HDAC9: variants seen among roughly 807,000 people sequenced by gnomAD.
The protein encoded by HDAC9 is MEF-2 interacting transcription repressor (MITR) protein.
In HDAC9, 41 loss-of-function variants were observed where a neutral mutation model predicts 139.4. That is an observed-to-expected ratio of 0.29 (90% CI 0.23 to 0.38). HDAC9 has a LOEUF of 0.38. Ranked by LOEUF, HDAC9 falls within the 10% of genes least tolerant of loss-of-function variation. The pLI, the probability that HDAC9 is intolerant of heterozygous loss-of-function variation, is 1.00. For missense variants in HDAC9, 1,147 were observed against 1,297.0 expected (o/e 0.88, Z 1.78); for synonymous variants, 517 against 476.2 (o/e 1.09, Z -1.12).
chr7:18,338,143 A>G (rs749562897), intron 1 of HDAC9, among the ~76,000 whole-genome samples: 6 of 151,736 alleles, frequency 4.0e-5, no homozygotes, highest in Non-Finnish European at 7.4e-5. Flanking sequence ...AAGATAATTC[A>G]CATTTCAGAA....
intron 1 of HDAC9, among the ~76,000 whole-genome samples, chr7:18,352,697 C>T (rs2389941): frequency 0.11 from 16,040 of 151,808 alleles, 941 homozygotes; most frequent in South Asian, 0.18. Context: ...GGGAAAATGA[C>T]GGGAAATAGG....
At chr7:18,302,047 C>T (rs1033389944) in intron 1 of HDAC9, among the ~76,000 whole-genome samples, 33 of 152,262 alleles carry the variant, frequency 2.2e-4, no homozygotes, top group African/African-American at 7.7e-4. Context: ...ATTTAAAATA[C>T]TCAGGTGTTA....
intron 6 of HDAC9, among the ~76,000 whole-genome samples, chr7:18,609,273 C>T (rs1836425719): frequency 5.3e-5 from 8 of 152,126 alleles, no homozygotes; most frequent in Admixed American, 5.2e-4. Flanking sequence ...TGAAATTGAA[C>T]ACTTGAAATG....
At chr7:18,209,829 T>C (rs1791803988) in intron 2 of HDAC9, among the ~76,000 whole-genome samples, 2 of 151,934 alleles carry the variant, frequency 1.3e-5, no homozygotes, top group Admixed American at 1.3e-4. Flanking sequence ...GCCTTCAGAG[T>C]AGCTGGGACT....
intron 13 of HDAC9, among the ~76,000 whole-genome samples, chr7:18,746,035 A>G (rs1434503703): frequency 6.6e-6 from 1 of 151,054 alleles, no homozygotes; most frequent in Non-Finnish European, 1.5e-5. Flanking sequence ...ATTCCTGGCT[A>G]GTTTTTAAAA....
At position 18,228,777 on chromosome 7, in the gene HDAC9, C is replaced by A. The variant is rs117279603; in HGVS notation, c.25+66428C>A. The stretch of plus-strand genomic sequence containing the variant: ...TTTGAACTCAGGAAGAAAGTTTAGC[C>A]TGAAAAAGATAGGCTGACTAGGGTA... On this transcript the variant is annotated intron_variant, in intron 2 of 12. Coordinates refer to the HDAC9 transcript ENST00000417496. 1.2e-4 allele frequency among the ~76,000 whole-genome samples: 18 copies of A among 152,214 alleles called. No homozygotes were observed. In the East Asian group the frequency reaches 3.5e-3, roughly 29 times the overall value.
chr7:18,876,222 A>G (rs1265189440), intron 22 of HDAC9, among the ~76,000 whole-genome samples: 2 of 152,162 alleles, frequency 1.3e-5, no homozygotes, highest in Admixed American at 6.6e-5. Flanking sequence ...AGCATCTTCA[A>G]TATATTCTTT....
chr7:18,762,067 A>G lies in HDAC9; in HGVS notation c.2044-90A>G, dbSNP rs969519868. ...ATTCCTACATGATGAAATTCAGCCC[A>G]TTATTAATCATCTTAAATGTGACTT... On this transcript the variant is annotated intron_variant, in intron 14 of 25. Transcript: ENST00000686413. 119 of 1,359,664 alleles carry G rather than the reference A, an allele frequency of 8.8e-5. 1 individual carries two copies. In the Middle Eastern group the frequency reaches 2.4e-3, roughly 27 times the overall value. 84.2% of individuals were successfully genotyped at this position (1,359,664 alleles called of 1,614,324 possible).
intron 6 of HDAC9, among the ~76,000 whole-genome samples, chr7:18,616,776 C>CTGT (rs1051401211): frequency 5.3e-5 from 8 of 152,230 alleles, no homozygotes; most frequent in Admixed American, 3.9e-4. Flanking sequence ...GGACAGTCTC[C>CTGT]TGTTGGCCAG....
rs538018643 is a variant in HDAC9, at chr7:18,535,445, A to G, written c.22+39121A>G. Among the ~76,000 whole-genome samples the G allele has an allele frequency of 2.6e-5, 4 of 152,062 alleles. No homozygotes were observed. The East Asian group carries it at 7.7e-4, about 29-fold the overall frequency. ...ACTACTGCGGAAGCCCATTATTGCC[A>G]TGGACCTGATATATTTACATCTATA... On this transcript the variant is annotated intron_variant, in intron 2 of 25. Coordinates refer to ENST00000686413, the MANE Select transcript of HDAC9 (RefSeq NM_178425.4).
At chr7:18,538,301 C>A (rs1319166716) in intron 2 of HDAC9, among the ~76,000 whole-genome samples, 1 of 152,140 alleles carries the variant, frequency 6.6e-6, no homozygotes, top group African/African-American at 2.4e-5. Context: ...TCACACAGCT[C>A]AGCCACAGCC....
chr7:18,827,033 G>T (rs1262152605), intron 17 of HDAC9, among the ~76,000 whole-genome samples: 1 of 151,752 alleles, frequency 6.6e-6, no homozygotes, highest in Non-Finnish European at 1.5e-5. Flanking sequence ...TGGGTTGAAT[G>T]CTTGAGCCCA....
intron 22 of HDAC9, among the ~76,000 whole-genome samples, chr7:18,923,939 T>A (rs990044300): frequency 3.5e-4 from 54 of 152,228 alleles, no homozygotes; most frequent in Non-Finnish European, 7.5e-4. Flanking sequence ...TTTTAATGAT[T>A]TTTTTAATGG....
intron 2 of HDAC9, among the ~76,000 whole-genome samples, chr7:18,505,616 T>G: frequency 6.6e-6 from 1 of 152,218 alleles, no homozygotes; most frequent in Non-Finnish European, 1.5e-5. Context: ...CTTTATTGGA[T>G]GAATGTCATA....
chr7:18,163,159 C>T (rs1162960998), intron 2 of HDAC9, among the ~76,000 whole-genome samples: 1 of 152,094 alleles, frequency 6.6e-6, no homozygotes, highest in Non-Finnish European at 1.5e-5. Flanking sequence ...GACAACTTGC[C>T]AAGATTTTCA....
chr7:18,924,943 T>G (rs548745406), intron 22 of HDAC9, among the ~76,000 whole-genome samples: 1 of 152,284 alleles, frequency 6.6e-6, no homozygotes, highest in South Asian at 2.1e-4. Context: ...TGCCATGAAT[T>G]AATGCTGTGC....
chr7:18,968,942 G>C (rs371977333), intron 24 of HDAC9, among the ~76,000 whole-genome samples: 6 of 105,136 alleles, frequency 5.7e-5, no homozygotes, highest in East Asian at 6.0e-4. Flanking sequence ...CTGGACGACA[G>C]AGCGAGCCTC....
intron 1 of HDAC9, among the ~76,000 whole-genome samples, chr7:18,299,569 G>A (rs1454867716): frequency 1.3e-5 from 2 of 152,104 alleles, no homozygotes; most frequent in African/African-American, 4.8e-5. Context: ...GAAATGAGGT[G>A]ACATAATTTG....
intron 12 of HDAC9, among the ~76,000 whole-genome samples, chr7:18,699,068 G>T (rs2129102950): frequency 6.6e-6 from 1 of 152,252 alleles, no homozygotes; most frequent in East Asian, 1.9e-4. Context: ...CAAAAAGTGT[G>T]ACACAGCAGT....
Sources: allele counts gnomAD v4.1 joint callset (sites outside exome capture counted in the v4.1 genomes callset), GRCh38; gene constraint gnomAD v4.1.1; transcripts MANE v1.5; gene names NCBI Gene and HGNC (gene_info 2026-07-23, HGNC 2026-07-21).